The following BAHD1 variants were observed in gnomAD, a reference collection of about 807,000 sequenced individuals.
BAHD1 encodes bromo adjacent homology domain-containing 1 protein.
A neutral mutation model predicts 63.1 loss-of-function variants in BAHD1; 20 were observed. The observed-to-expected ratio is 0.32, with a 90% CI of 0.22 to 0.46. The LOEUF is 0.46. Among genes scored for constraint, BAHD1 ranks in the 20% least tolerant of loss-of-function variants. The probability of loss-of-function intolerance (pLI) is 1.00; values close to 1 mark genes in which losing one functional copy is unlikely to be tolerated. For missense variants in BAHD1, 939 were observed against 1,071.8 expected, an observed-to-expected ratio of 0.88 and a Z score of 1.73; for synonymous variants, 408 against 426.8, an observed-to-expected ratio of 0.96 and a Z score of 0.54.
At chr15:40,445,898 C>G (rs1893528027) in intron 1 of BAHD1, among the ~76,000 whole-genome samples, 1 of 152,210 alleles carries the variant, frequency 6.6e-6, no homozygotes, top group African/African-American at 2.4e-5. Context: ...CCCCAGCACT[C>G]CCACTCTGCA....
chr15:40,446,898 G>A (rs1893555430), intron 1 of BAHD1, among the ~76,000 whole-genome samples: 2 of 152,104 alleles, frequency 1.3e-5, no homozygotes. Context: ...TGCCTTTTGG[G>A]GACTCCTAGC....
intron 2 of BAHD1, among the ~76,000 whole-genome samples, chr15:40,461,207 A>G (rs1375401874): frequency 1.3e-5 from 2 of 152,150 alleles, no homozygotes; most frequent in African/African-American, 2.4e-5. Flanking sequence ...GGATGAAATG[A>G]GTTAATGTGT....
At chr15:40,439,398 G>T (rs901404852), upstream of BAHD1, among the ~76,000 whole-genome samples, 6 of 152,182 alleles carry the variant, frequency 3.9e-5, no homozygotes, top group Admixed American at 3.9e-4. Context: ...TAGCAGCCCT[G>T]ATTGTCTTAA....
intron 1 of BAHD1, among the ~76,000 whole-genome samples, chr15:40,444,137 T>G (rs570904592): frequency 2.2e-4 from 33 of 152,024 alleles, no homozygotes; most frequent in Middle Eastern, 3.4e-3. Flanking sequence ...GTGTGAATAT[T>G]CTGGTATTTC....
chr15:40,456,185 A>G (rs1893844483), intron 1 of BAHD1, among the ~76,000 whole-genome samples: 4 of 151,900 alleles, frequency 2.6e-5, no homozygotes, highest in Admixed American at 1.3e-4. Flanking sequence ...TCACTGTATT[A>G]GCCAGGATGG....
At chr15:40,443,784 C>T (rs954890646) in intron 1 of BAHD1, among the ~76,000 whole-genome samples, 2 of 152,162 alleles carry the variant, frequency 1.3e-5, no homozygotes, top group African/African-American at 4.8e-5. Flanking sequence ...TAAAACACCC[C>T]TTCCCGGTGT....
At chr15:40,453,684 T>G (rs528340145) in intron 1 of BAHD1, 1 of 152,366 alleles carries the variant, frequency 6.6e-6, no homozygotes, top group South Asian at 2.1e-4. Context: ...GTATGGTGGC[T>G]CATGCCTGTA....
chr15:40,439,497 G>C (rs980604586), upstream of BAHD1, among the ~76,000 whole-genome samples: 4 of 152,198 alleles, frequency 2.6e-5, no homozygotes, highest in African/African-American at 7.2e-5. Context: ...CGAAGCCCCT[G>C]GGCCACACTC....
At chr15:40,448,317 T>C (rs572960178) in intron 1 of BAHD1, among the ~76,000 whole-genome samples, 11 of 152,324 alleles carry the variant, frequency 7.2e-5, no homozygotes, top group African/African-American at 2.4e-4. Context: ...TGCCATTTAA[T>C]TGGAGTACAT....
At chr15:40,456,061 C>A (rs1893840949) in intron 1 of BAHD1, among the ~76,000 whole-genome samples, 1 of 152,244 alleles carries the variant, frequency 6.6e-6, no homozygotes, top group Admixed American at 6.5e-5. Flanking sequence ...CAACCTCCAC[C>A]TCCTGGGTTC....
Position 40,466,105 on chromosome 15 carries a change from G to T in BAHD1, c.2318G>T (p.Gly773Val). The change falls in exon 7 of 7, where the codon GGG becomes GTG. Residue 773 changes from glycine (G) to valine (V), a missense_variant. Coordinates refer to ENST00000416165, the MANE Select transcript of BAHD1 (RefSeq NM_014952.5). Reference protein sequence around the residue: ...LCRHVYDFRHGRILKNPQ With the variant: ...LCRHVYDFRHVRILKNPQ ...CGCCATGTCTATGACTTCCGCCACGGGCGCATCCTTAAGAACCCCCAGTAG... is the reference window on the plus strand; with the variant it reads ...CGCCATGTCTATGACTTCCGCCACGTGCGCATCCTTAAGAACCCCCAGTAG... 1 of 1,613,830 alleles carries T rather than the reference G, an allele frequency of 6.2e-7. No individual in the cohort carries two copies. Among genetic ancestry groups the T allele is most frequent in the Non-Finnish European group, 8.5e-7 (1 of 1,179,820 alleles).
chr15:40,453,803 C>T (rs1893773723), intron 1 of BAHD1: 1 of 151,610 alleles, frequency 6.6e-6, no homozygotes, highest in Non-Finnish European at 1.5e-5. Flanking sequence ...CCCCAACCCC[C>T]TGCAGCCTGT....
At chr15:40,462,340 G>A (rs1229910244) in intron 3 of BAHD1, 46 bp downstream of exon 3, 1 of 1,556,640 alleles carries the variant, frequency 6.4e-7, no homozygotes, top group Admixed American at 1.8e-5. Flanking sequence ...GGAGGCAGTG[G>A]GGACACATGA....
chr15:40,447,009 A>G (rs993451136), intron 1 of BAHD1, among the ~76,000 whole-genome samples: 4 of 152,228 alleles, frequency 2.6e-5, no homozygotes, highest in Non-Finnish European at 5.9e-5. Flanking sequence ...ATGTTTAGGA[A>G]TAATTGTTAA....
intron 1 of BAHD1, among the ~76,000 whole-genome samples, chr15:40,445,644 T>C (rs1445455331): frequency 6.6e-6 from 1 of 152,234 alleles, no homozygotes; most frequent in Non-Finnish European, 1.5e-5. Context: ...CTGCCGAGTT[T>C]ATGGAGCATT....
chr15:40,463,313 AATAAATAC>A (rs1436044922), intron 3 of BAHD1, among the ~76,000 whole-genome samples: 5 of 152,218 alleles, frequency 3.3e-5, no homozygotes, highest in Admixed American at 3.3e-4. Context: ...TCTAAAAATA[AATAAATAC>A]ATAAATACAT....
chr15:40,444,150 G>T (rs1893474526), intron 1 of BAHD1, among the ~76,000 whole-genome samples: 1 of 151,940 alleles, frequency 6.6e-6, no homozygotes, highest in Non-Finnish European at 1.5e-5. Context: ...GGTATTTCTT[G>T]TACAGTGCTG....
At chr15:40,451,643 A>G (rs1893706339) in intron 1 of BAHD1, among the ~76,000 whole-genome samples, 2 of 151,920 alleles carry the variant, frequency 1.3e-5, no homozygotes, top group African/African-American at 4.9e-5. Context: ...CTAAGGCCAC[A>G]CAGGATTAGC....
chr15:40,460,979 A>G (rs1894022430), intron 2 of BAHD1, among the ~76,000 whole-genome samples: 1 of 152,158 alleles, frequency 6.6e-6, no homozygotes, highest in African/African-American at 2.4e-5. Flanking sequence ...GGACACCAGT[A>G]AACACCATGT....
Sources: gnomAD v4.1 joint callset for allele counts (sites outside exome capture counted in the v4.1 genomes callset) on GRCh38, gnomAD v4.1.1 for gene constraint, MANE v1.5 for transcripts, NCBI Gene and HGNC (gene_info 2026-07-23, HGNC 2026-07-21) for gene names.